The following SMIM27 variants were observed in gnomAD, a reference collection of about 807,000 sequenced individuals.
SMIM27 encodes TOPORS antisense RNA 1 (non-protein coding).
Under a neutral mutation model 1.8 loss-of-function variants are expected in SMIM27, and 3 were observed. The ratio of observed to expected loss-of-function variants is 1.65; its 90% confidence interval spans 0.75 to 4.28. The LOEUF (loss-of-function observed/expected upper bound fraction) is 4.28. SMIM27 is among the 30% of genes most tolerant of loss of function. The pLI is 0.02. For synonymous variants in SMIM27, 19 were observed against 13.9 expected, an observed-to-expected ratio of 1.37 and a Z score of -0.82; for missense variants, 63 against 37.0, an observed-to-expected ratio of 1.70 and a Z score of -1.83.
chr9:32,563,485 A>G (rs1391950561), intron 1 of SMIM27, among the ~76,000 whole-genome samples: 1 of 49,690 alleles, frequency 2.0e-5, no homozygotes, highest in Non-Finnish European at 4.8e-5. Context: ...AGGTGGGACT[A>G]TTGGGCTTTT....
intron 1 of SMIM27, 30 bp downstream of exon 1, chr9:32,552,509 G>C (rs1230370991): frequency 5.7e-6 from 9 of 1,566,716 alleles, no homozygotes; most frequent in African/African-American, 1.4e-5. Context: ...GGCCCCCACC[G>C]TGTCGACTCA....
chr9:32,553,829 T>C (rs377628900), downstream of SMIM27: 12 of 1,235,236 alleles, frequency 9.7e-6, no homozygotes, highest in African/African-American at 4.5e-5. Flanking sequence ...TATGGTAATA[T>C]AGGAACAAAC....
At chr9:32,564,669 T>C (rs1183617129) in intron 1 of SMIM27, among the ~76,000 whole-genome samples, 1 of 152,186 alleles carries the variant, frequency 6.6e-6, no homozygotes, top group Non-Finnish European at 1.5e-5. Context: ...CAGCGTTTCC[T>C]TCCAGATTGT....
chr9:32,557,180 C>T (rs1312838545), downstream of SMIM27, among the ~76,000 whole-genome samples: 39 of 114,834 alleles, frequency 3.4e-4, no homozygotes, highest in East Asian at 8.1e-3. Context: ...TTTTTTTTTT[C>T]CCGAGACAGA....
upstream of SMIM27, chr9:32,551,197 T>C (rs1821249459): frequency 1.6e-6 from 1 of 615,734 alleles, no homozygotes; most frequent in Non-Finnish European, 2.9e-6. Context: ...ATCTTGTTAC[T>C]GGTACTCAGC....
rs181552604 is a variant in SMIM27, at chr9:32,560,422, G to A, written c.46-5969G>A. Among the ~76,000 whole-genome samples, 711 of 152,292 alleles carry A rather than the reference G, an allele frequency of 4.7e-3. 5 individuals carry two copies. Among genetic ancestry groups the A allele is most frequent in the Non-Finnish European group, 8.6e-3 (587 of 68,018 alleles). On this transcript the variant is annotated intron_variant, in intron 1 of 1. Transcript: ENST00000451672. ...TCCCAGAAAAATGTAGTTAAATTTA[G>A]ATATGATAAAGTAAGTTAAACCCAG...
intron 1 of SMIM27, among the ~76,000 whole-genome samples, chr9:32,561,191 T>C (rs1821614948): frequency 6.6e-6 from 1 of 152,214 alleles, no homozygotes; most frequent in South Asian, 2.1e-4. Flanking sequence ...TGGTTTGTAA[T>C]GTGAAAATCC....
intron 1 of SMIM27, among the ~76,000 whole-genome samples, chr9:32,563,722 G>T (rs1587644812): frequency 6.6e-6 from 1 of 151,944 alleles, no homozygotes; most frequent in Non-Finnish European, 1.5e-5. Flanking sequence ...GCAAATTATT[G>T]CATCAAAAAG....
chr9:32,553,877 T>C, downstream of SMIM27: 1 of 1,570,102 alleles, frequency 6.4e-7, no homozygotes, highest in Non-Finnish European at 8.8e-7. Flanking sequence ...ACATAATCTT[T>C]AATGATGTTG....
At chr9:32,553,039 C>T (rs55804108), downstream of SMIM27, 3,722 of 565,558 alleles carry the variant, frequency 6.6e-3, 106 homozygotes, top group African/African-American at 0.063. Context: ...TCCTTTATAA[C>T]AAGCACTAGT....
At chr9:32,558,202 C>T (rs1196269952) in intron 1 of SMIM27, among the ~76,000 whole-genome samples, 1 of 149,682 alleles carries the variant, frequency 6.7e-6, no homozygotes. Flanking sequence ...AGCTCCACCT[C>T]CCAGGTTCAC....
At chr9:32,565,228 G>A (rs1821746808) in intron 1 of SMIM27, among the ~76,000 whole-genome samples, 5 of 151,996 alleles carry the variant, frequency 3.3e-5, no homozygotes, top group Admixed American at 2.6e-4. Flanking sequence ...AGGAGGCAGA[G>A]GTCGCAGTGA....
chr9:32,558,970 ACT>A, intron 1 of SMIM27: 2 of 1,556,748 alleles, frequency 1.3e-6, no homozygotes, highest in Non-Finnish European at 1.8e-6. Context: ...ATAAAAGTTA[ACT>A]CTGTGTTAAT....
At chr9:32,553,279 T>G, downstream of SMIM27, 1 of 189,350 alleles carries the variant, frequency 5.3e-6, no homozygotes, top group Non-Finnish European at 1.1e-5. Context: ...AGCTCCGCCT[T>G]CTGGGTTCAC....
exon 2 of SMIM27, chr9:32,566,855 C>A (rs535724131): frequency 2.6e-6 from 2 of 760,276 alleles, no homozygotes; most frequent in South Asian, 1.4e-5. Flanking sequence ...AGCTGCCGGG[C>A]GGCCTGGATG....
At chr9:32,560,976 A>T (rs1821607591) in intron 1 of SMIM27, among the ~76,000 whole-genome samples, 1 of 152,254 alleles carries the variant, frequency 6.6e-6, no homozygotes, top group Admixed American at 6.5e-5. Flanking sequence ...TTAAACTTTC[A>T]CTGACAGAAA....
downstream of SMIM27, among the ~76,000 whole-genome samples, chr9:32,556,960 T>C (rs1821476080): frequency 6.7e-6 from 1 of 149,934 alleles, no homozygotes; most frequent in Non-Finnish European, 1.5e-5. Context: ...CAGGCAATTC[T>C]TGTGCCTCAG....
chr9:32,564,279 TC>T (rs772767748), intron 1 of SMIM27, among the ~76,000 whole-genome samples: 12 of 152,318 alleles, frequency 7.9e-5, no homozygotes, highest in Non-Finnish European at 1.8e-4. Flanking sequence ...AACTCCCTTT[TC>T]CGGCAGTGAG....
In SMIM27 at chr9:32,552,500, G is replaced by A. The variant is rs776476617; in HGVS notation, c.45+21G>A. ...CAGTGGTAAGTCCCGGGGATCGCGG[G>A]CCCCCACCGTGTCGACTCACTGGGC... On this transcript the variant is annotated intron_variant, in intron 1 of 1. Coordinates refer to ENST00000692500, the MANE Select transcript of SMIM27 (RefSeq NM_001387564.1). The A allele has an allele frequency of 1.6e-5, 25 of 1,572,646 alleles. No individual in the cohort carries two copies. Among genetic ancestry groups the A allele is most frequent in the Non-Finnish European group, 1.7e-5 (20 of 1,159,260 alleles).
Sources: allele counts gnomAD v4.1 joint callset (sites outside exome capture counted in the v4.1 genomes callset), GRCh38; gene constraint gnomAD v4.1.1; transcripts MANE v1.5; gene names NCBI Gene and HGNC (gene_info 2026-07-23, HGNC 2026-07-21).